The following FMNL3 variants were observed in gnomAD, a reference collection of about 807,000 sequenced individuals.
FMNL3 encodes formin-like protein 3.
Under a neutral mutation model 119.6 loss-of-function variants are expected in FMNL3, and 57 were observed. The observed-to-expected ratio is 0.48, with a 90% CI of 0.39 to 0.59. The LOEUF (loss-of-function observed/expected upper bound fraction) is 0.59, where lower values mean the gene tolerates loss of function less well. FMNL3 is among the 20% of genes least tolerant of loss of function. The probability of loss-of-function intolerance (pLI) is 0.00; values close to 1 mark genes in which losing one functional copy is unlikely to be tolerated. For synonymous variants in FMNL3, 491 were observed against 507.3 expected (o/e 0.97, Z 0.43); for missense variants, 1,053 against 1,323.5 (o/e 0.80, Z 3.17).
At chr12:49,657,330 G>T in intron 6 of FMNL3, 140 bp from the exon 7 acceptor site, 1 of 641,442 alleles carries the variant, frequency 1.6e-6, no homozygotes, top group South Asian at 1.8e-5. Context: ...CAACAGCCAA[G>T]AGGGACAGGG....
chr12:49,668,153 C>T (rs947955790), intron 2 of FMNL3, among the ~76,000 whole-genome samples: 1 of 152,194 alleles, frequency 6.6e-6, no homozygotes, highest in African/African-American at 2.4e-5. Context: ...GATCAACAGT[C>T]CTTTGAGCAC....
chr12:49,641,883 G>A lies in FMNL3; in HGVS notation c.*3932C>T, dbSNP rs770639755. ...TTGGCCTCAGGCACGTGGTGCCCCTGCTTCATGCACTGCTGTACCCACAGG... is the reference window on the plus strand; with the variant it reads ...TTGGCCTCAGGCACGTGGTGCCCCTACTTCATGCACTGCTGTACCCACAGG... On this transcript the variant is annotated 3_prime_UTR_variant, in exon 26 of 26. Coordinates refer to ENST00000335154, the MANE Select transcript of FMNL3 (RefSeq NM_175736.5). The A allele has an allele frequency of 3.7e-6, 6 of 1,606,246 alleles. No individual in the cohort carries two copies. In the East Asian group the frequency reaches 1.1e-4, roughly 30 times the overall value.
chr12:49,691,804 C>T (rs891198865), intron 1 of FMNL3, among the ~76,000 whole-genome samples: 3 of 151,884 alleles, frequency 2.0e-5, no homozygotes, highest in African/African-American at 4.8e-5. Flanking sequence ...TAGGCCAAGA[C>T]GGGTGGATCA....
chr12:49,663,570 G>A (rs1943800953), intron 4 of FMNL3, among the ~76,000 whole-genome samples: 1 of 152,252 alleles, frequency 6.6e-6, no homozygotes, highest in South Asian at 2.1e-4. Context: ...AGAAGCCGCA[G>A]TTCAGATGGC....
At position 49,640,330 on chromosome 12, in the gene FMNL3, G is replaced by C. The variant is rs529170402; in HGVS notation, c.*5485C>G. On this transcript the variant is annotated 3_prime_UTR_variant, in exon 26 of 26. Coordinates refer to ENST00000335154, the MANE Select transcript of FMNL3 (RefSeq NM_175736.5). ...GAAAATCAGGAGAGATGAAGGATGA[G>C]ATTGCGAGGGAGTACAGATTGGGTA... 6.6e-6 allele frequency: 1 copy of C among 152,364 alleles called. No individual in the cohort carries two copies. The highest frequency in any genetic ancestry group is 2.4e-5 in the African/African-American group (1 of 41,588). 9.4% of individuals were successfully genotyped at this position (152,364 alleles called of 1,614,324 possible).
chr12:49,642,434 T>A lies in FMNL3; in HGVS notation c.*3381A>T. The A allele has an allele frequency of 6.3e-7, 1 of 1,593,232 alleles. No individual in the cohort carries two copies. The highest frequency in any genetic ancestry group is 8.6e-7 in the Non-Finnish European group (1 of 1,163,404). On this transcript the variant is annotated 3_prime_UTR_variant, in exon 26 of 26. Transcript: ENST00000335154. The surrounding 1 kb of genome is among the most constrained non-coding windows in gnomAD (Gnocchi z 5.8). ...CCTGAGGGCAGCGGTGCTTCACCAC[T>A]GAGGGCCCACCCCAGTCACGTCACA...
rs1482485214 is a variant in FMNL3, at chr12:49,650,678, A to G, written c.1998T>C (p.His666=). 1.2e-6 allele frequency: 2 copies of G among 1,612,870 alleles called. No individual in the cohort carries two copies. The highest frequency in any genetic ancestry group is 1.7e-6 in the Non-Finnish European group (2 of 1,179,962). ...AGCCAGGTCAGTGGGAGCCTCACGT[A>G]TGAATGGCCCTGCAGATCTCCTCAG... The part of the protein sequence containing the change: ...RSAEEICRAI[H]TFDLQTLPVD... The change falls in exon 17 of 26, where the codon CAT becomes CAC. Residue 666 remains histidine (H), a splice_region_variant and synonymous_variant. Coordinates refer to ENST00000335154, the MANE Select transcript of FMNL3 (RefSeq NM_175736.5).
Position 49,656,399 on chromosome 12 carries a change from C to G in FMNL3, c.885+5G>C. 6.2e-7 allele frequency: 1 copy of G among 1,613,158 alleles called. No individual in the cohort carries two copies. Among genetic ancestry groups the G allele is most frequent in the Non-Finnish European group, 8.5e-7 (1 of 1,179,314 alleles). ...CACACACACACGCGAAGCGAAAAGA[C>G]TGACCTCTTTGAAATTGTCAAAGGC... On this transcript the variant is annotated splice_donor_5th_base_variant and intron_variant, in intron 9 of 25. Coordinates refer to ENST00000335154, the MANE Select transcript of FMNL3 (RefSeq NM_175736.5).
chr12:49,684,042 C>T (rs11832420), intron 1 of FMNL3, among the ~76,000 whole-genome samples: 2,125 of 152,300 alleles, frequency 0.014, 49 homozygotes, highest in African/African-American at 0.047. Flanking sequence ...TGCATCTCTA[C>T]AGAACTGCAC....
chr12:49,637,784 G>C lies in FMNL3; in HGVS notation c.*8031C>G. 1 of 1,593,164 alleles carries C rather than the reference G, an allele frequency of 6.3e-7. No individual in the cohort carries two copies. Among genetic ancestry groups the C allele is most frequent in the Non-Finnish European group, 8.6e-7 (1 of 1,167,554 alleles). On this transcript the variant is annotated 3_prime_UTR_variant, in exon 26 of 26. Coordinates refer to ENST00000335154, the MANE Select transcript of FMNL3 (RefSeq NM_175736.5). Reference sequence around the variant, plus strand: ...TTCTATGTGGAGGAGTTGAAGGCACGATTCCATGATGAAAAGAAGATCATT... The same window carrying C: ...TTCTATGTGGAGGAGTTGAAGGCACCATTCCATGATGAAAAGAAGATCATT...
chr12:49,670,040 C>A (rs1944002415), intron 1 of FMNL3, among the ~76,000 whole-genome samples: 1 of 152,238 alleles, frequency 6.6e-6, no homozygotes, highest in Admixed American at 6.5e-5. Context: ...ATAGTGCCAG[C>A]CACCTAGAAG....
intron 21 of FMNL3, 147 bp downstream of exon 21, chr12:49,648,882 G>C (rs1333052186): frequency 7.0e-6 from 9 of 1,277,834 alleles, no homozygotes; most frequent in Non-Finnish European, 9.3e-6. Context: ...CCCTGCTTAA[G>C]GCTCCAGCGG....
Position 49,677,760 on chromosome 12 carries a change from G to C in FMNL3, c.127-9206C>G, listed in dbSNP as rs116669238. 8.8e-3 allele frequency among the ~76,000 whole-genome samples: 1,342 copies of C among 152,336 alleles called. 19 individuals carry two copies. The highest frequency in any genetic ancestry group is 0.03 in the African/African-American group (1,256 of 41,562). ...CAGTATAGACAGCATTGCTGTGAAAGAGGCACATACACTACTGTGGGATCC... is the reference window on the plus strand; with the variant it reads ...CAGTATAGACAGCATTGCTGTGAAACAGGCACATACACTACTGTGGGATCC... On this transcript the variant is annotated intron_variant, in intron 1 of 25. Transcript: ENST00000335154.
chr12:49,656,613 A>G, intron 8 of FMNL3, 116 bp from the exon 9 acceptor site: 2 of 1,005,914 alleles, frequency 2.0e-6, no homozygotes, highest in Non-Finnish European at 3.0e-6. Context: ...AGTGGTGAGG[A>G]GAGAGGGTGG....
rs1172543250 is a variant in FMNL3, at chr12:49,642,115, C to T, written c.*3700G>A. ...CTCACTGTCCCACTGACTATATTCC[C>T]AATTCAGGGGATGGTGGTAGAAGCC... On this transcript the variant is annotated 3_prime_UTR_variant, in exon 26 of 26. Transcript: ENST00000335154. The surrounding 1 kb of genome is among the most constrained non-coding windows in gnomAD (Gnocchi z 5.8). 8.1e-6 allele frequency: 13 copies of T among 1,602,270 alleles called. No homozygotes were observed. The highest frequency in any genetic ancestry group is 1.1e-5 in the Non-Finnish European group (13 of 1,171,756).
intron 25 of FMNL3, chr12:49,646,576 TG>T: frequency 7.7e-7 from 1 of 1,292,934 alleles, no homozygotes; most frequent in Non-Finnish European, 1.0e-6. Context: ...AAGGTGCCTG[TG>T]GTCTCCCAGC....
intron 21 of FMNL3, 42 bp downstream of exon 21, chr12:49,648,987 G>C (rs1943304278): frequency 6.4e-7 from 1 of 1,552,450 alleles, no homozygotes; most frequent in Non-Finnish European, 8.7e-7. Context: ...ATTGTCCTGG[G>C]CTGGATGTGA....
Position 49,646,230 on chromosome 12 carries a change from T to C in FMNL3, c.2996-327A>G, listed in dbSNP as rs185362097. Among the ~76,000 whole-genome samples, 126 of 152,274 alleles carry C rather than the reference T, an allele frequency of 8.3e-4. 1 individual carries two copies. The highest frequency in any genetic ancestry group is 3.4e-3 in the Middle Eastern group (1 of 294). ...AGGAAACAGATCAAGGGACATCTGATACCTCCTGGTCAGAAGCTACTACCA... is the reference window on the plus strand; with the variant it reads ...AGGAAACAGATCAAGGGACATCTGACACCTCCTGGTCAGAAGCTACTACCA... On this transcript the variant is annotated intron_variant, in intron 25 of 25. Coordinates refer to ENST00000335154, the MANE Select transcript of FMNL3 (RefSeq NM_175736.5).
At position 49,646,902 on chromosome 12, in the gene FMNL3, G is replaced by T. The variant is rs766951536; in HGVS notation, c.2979C>A (p.Ile993=). 1 of 1,614,038 alleles carries T rather than the reference G, an allele frequency of 6.2e-7. No individual in the cohort carries two copies. The highest frequency in any genetic ancestry group is 8.5e-7 in the Non-Finnish European group (1 of 1,179,964). Residue 993 remains isoleucine (I), a synonymous_variant, in exon 25 of 26, where the codon ATC becomes ATA. Coordinates refer to ENST00000335154, the MANE Select transcript of FMNL3 (RefSeq NM_175736.5). The part of the protein sequence containing the change: ...RPVYEGKDGT[I]EDIITGLHCQ... ...GGGCCCCACCTGTGATGATGTCCTC[G>T]ATGGTACCATCCTTCCCCTCATAAA...
Sources: gnomAD v4.1 joint callset for allele counts (sites outside exome capture counted in the v4.1 genomes callset) on GRCh38, gnomAD v4.1.1 for gene constraint, Gnocchi (gnomAD v3.1) non-coding constraint, MANE v1.5 for transcripts, NCBI Gene and HGNC (gene_info 2026-07-23, HGNC 2026-07-21) for gene names.